BACH2: variants seen among roughly 807,000 people sequenced by gnomAD.
BACH2 encodes BACH transcriptional regulator 2.
Under a neutral mutation model 61.8 loss-of-function variants are expected in BACH2, and 5 were observed. That is an observed-to-expected ratio of 0.08 (90% CI 0.04 to 0.17). The LOEUF (loss-of-function observed/expected upper bound fraction) is 0.17. Among genes scored for constraint, BACH2 ranks in the 10% least tolerant of loss-of-function variants. The probability of loss-of-function intolerance (pLI) is 1.00; values close to 1 mark genes in which losing one functional copy is unlikely to be tolerated. For missense variants in BACH2, 824 were observed against 1,091.1 expected, an observed-to-expected ratio of 0.76 and a Z score of 3.45; for synonymous variants, 446 against 440.1, an observed-to-expected ratio of 1.01 and a Z score of -0.17.
At chr6:90,211,731 T>C (rs1029148157) in intron 3 of BACH2, among the ~76,000 whole-genome samples, 1 of 152,072 alleles carries the variant, frequency 6.6e-6, no homozygotes, top group Admixed American at 6.5e-5. Flanking sequence ...CCCCCTTCTA[T>C]GATGTCCATT....
intron 6 of BACH2, among the ~76,000 whole-genome samples, chr6:89,978,820 G>A (rs945673423): frequency 2.0e-5 from 3 of 152,176 alleles, no homozygotes; most frequent in South Asian, 2.1e-4. Context: ...TAAAATGCAC[G>A]CTGTCCCTGA....
chr6:90,116,515 G>C (rs969548267), intron 4 of BACH2, among the ~76,000 whole-genome samples: 1 of 152,052 alleles, frequency 6.6e-6, no homozygotes, highest in African/African-American at 2.4e-5. Flanking sequence ...GGGAGAGAAA[G>C]TAGCATAACT....
intron 3 of BACH2, among the ~76,000 whole-genome samples, chr6:90,232,972 C>T (rs1052692770): frequency 6.6e-6 from 1 of 152,102 alleles, no homozygotes; most frequent in East Asian, 1.9e-4. Flanking sequence ...AACAGATAGC[C>T]TTCATTAAGC....
At chr6:90,174,927 GCAAA>G (rs912943947) in intron 4 of BACH2, among the ~76,000 whole-genome samples, 1 of 149,794 alleles carries the variant, frequency 6.7e-6, no homozygotes, top group Non-Finnish European at 1.5e-5. Context: ...AAAAAAAAAA[GCAAA>G]CAAACAAGAC....
chr6:90,191,276 T>C (rs1257350147), intron 4 of BACH2, among the ~76,000 whole-genome samples: 1 of 152,208 alleles, frequency 6.6e-6, no homozygotes, highest in Non-Finnish European at 1.5e-5. Flanking sequence ...ATAATGGATA[T>C]TTAAGAAGTA....
intron 3 of BACH2, among the ~76,000 whole-genome samples, chr6:90,208,021 T>C (rs2127850123): frequency 6.6e-6 from 1 of 152,308 alleles, no homozygotes; most frequent in African/African-American, 2.4e-5. Flanking sequence ...AATCACTCCT[T>C]GGCTATTTGA....
intron 3 of BACH2, among the ~76,000 whole-genome samples, chr6:90,210,193 G>A (rs1175400553): frequency 6.6e-6 from 1 of 151,814 alleles, no homozygotes; most frequent in East Asian, 1.9e-4. Flanking sequence ...ATTTTTCCTG[G>A]TTCTTGCTAT....
intron 3 of BACH2, among the ~76,000 whole-genome samples, chr6:90,247,136 G>A (rs1770661917): frequency 6.6e-6 from 1 of 152,086 alleles, no homozygotes; most frequent in African/African-American, 2.4e-5. Context: ...ACGAGAACAT[G>A]ACTGCAGTTT....
intron 3 of BACH2, among the ~76,000 whole-genome samples, chr6:90,227,064 G>A (rs1415657711): frequency 6.6e-6 from 1 of 152,200 alleles, no homozygotes; most frequent in Non-Finnish European, 1.5e-5. Flanking sequence ...AAGATGAAAT[G>A]AAGTTTGAAT....
At chr6:90,137,552 C>G (rs1784313689) in intron 4 of BACH2, among the ~76,000 whole-genome samples, 1 of 152,220 alleles carries the variant, frequency 6.6e-6, no homozygotes, top group Non-Finnish European at 1.5e-5. Flanking sequence ...TCTCTTTCTT[C>G]TCCCAATTTT....
chr6:90,067,231 G>A (rs570624978), intron 5 of BACH2, among the ~76,000 whole-genome samples: 7 of 152,310 alleles, frequency 4.6e-5, no homozygotes, highest in South Asian at 2.1e-4. Flanking sequence ...AAAAGAAAAC[G>A]TTCTGTGGAA....
At chr6:90,113,739 A>AT (rs200287552) in intron 4 of BACH2, among the ~76,000 whole-genome samples, 51 of 150,940 alleles carry the variant, frequency 3.4e-4, no homozygotes, top group African/African-American at 6.3e-4. Flanking sequence ...TGAATCCAGG[A>AT]TTTTTTTTTT....
chr6:90,042,258 T>C (rs954511759), intron 5 of BACH2, among the ~76,000 whole-genome samples: 1 of 152,172 alleles, frequency 6.6e-6, no homozygotes, highest in Non-Finnish European at 1.5e-5. Flanking sequence ...AGTGGCGCAA[T>C]CATGGGTCAC....
intron 3 of BACH2, among the ~76,000 whole-genome samples, chr6:90,213,723 A>T (rs1769432608): frequency 6.6e-6 from 1 of 152,196 alleles, no homozygotes; most frequent in Non-Finnish European, 1.5e-5. Flanking sequence ...TCTATTTTGT[A>T]CTAGTACCCA....
intron 2 of BACH2, among the ~76,000 whole-genome samples, chr6:90,271,366 TAAAAAAAAA>T (rs3073450): frequency 2.9e-5 from 3 of 103,882 alleles, no homozygotes; most frequent in African/African-American, 1.2e-4. Flanking sequence ...CAACCCCATT[TAAAAAAAAA>T]AAAAAAAGAA....
chr6:90,195,080 T>G (rs1768711099), intron 4 of BACH2, among the ~76,000 whole-genome samples: 1 of 152,230 alleles, frequency 6.6e-6, no homozygotes, highest in African/African-American at 2.4e-5. Context: ...ATTCACCTTG[T>G]GCCTTCCTTG....
intron 5 of BACH2, among the ~76,000 whole-genome samples, chr6:90,060,059 G>A (rs963696758): frequency 3.3e-5 from 5 of 151,174 alleles, no homozygotes; most frequent in African/African-American, 1.2e-4. Flanking sequence ...ACACCAACAT[G>A]GCACATGTAT....
chr6:89,958,831 A>C (rs1774571713), intron 6 of BACH2, among the ~76,000 whole-genome samples: 2 of 152,142 alleles, frequency 1.3e-5, no homozygotes, highest in African/African-American at 2.4e-5. Context: ...GCTTTTCCTC[A>C]AACGCCATTT....
At position 90,135,560 on chromosome 6, in the gene BACH2, C is replaced by A. The variant is rs1001858670; in HGVS notation, c.-161-46451G>T. On this transcript the variant is annotated intron_variant, in intron 4 of 8. Transcript: ENST00000257749. ...AAAACCCTGTCTCTACCCCAAAACA[C>A]AAAAAATTAGCCAGGCATGGTGGTA... Among the ~76,000 whole-genome samples the A allele has an allele frequency of 6.6e-5, 10 of 152,136 alleles. No homozygotes were observed. The East Asian group carries it at 1.9e-3, about 30-fold the overall frequency.
Sources: gnomAD v4.1 joint callset for allele counts (sites outside exome capture counted in the v4.1 genomes callset) on GRCh38, gnomAD v4.1.1 for gene constraint, MANE v1.5 for transcripts, NCBI Gene and HGNC (gene_info 2026-07-23, HGNC 2026-07-21) for gene names.